The following AOAH variants were observed in gnomAD, a reference collection of about 807,000 sequenced individuals.
The protein encoded by AOAH is acyloxyacyl hydrolase.
Under a neutral mutation model 92.2 loss-of-function variants are expected in AOAH, and 64 were observed. The observed-to-expected ratio is 0.69, with a 90% CI of 0.57 to 0.86. The LOEUF is 0.86. Ranked by LOEUF, AOAH falls within the 40% of genes least tolerant of loss-of-function variation. AOAH has a pLI of 0.00. For missense variants in AOAH, 656 were observed against 694.6 expected (o/e 0.94, Z 0.62); for synonymous variants, 263 against 254.5 (o/e 1.03, Z -0.32).
At chr7:36,710,238 T>A (rs1393524797) in intron 1 of AOAH, among the ~76,000 whole-genome samples, 1 of 152,188 alleles carries the variant, frequency 6.6e-6, no homozygotes, top group African/African-American at 2.4e-5. Context: ...ATCAGTTTAT[T>A]TTGGGGTAAT....
At chr7:36,711,803 T>A (rs1327355797) in intron 1 of AOAH, among the ~76,000 whole-genome samples, 3 of 152,108 alleles carry the variant, frequency 2.0e-5, no homozygotes, top group African/African-American at 7.2e-5. Context: ...ACTGCATGGC[T>A]AAGCCAAGAC....
intron 12 of AOAH, among the ~76,000 whole-genome samples, chr7:36,588,462 T>G (rs1460434462): frequency 6.6e-6 from 1 of 152,262 alleles, no homozygotes; most frequent in African/African-American, 2.4e-5. Context: ...TCTGGTTAAT[T>G]ATTTGTTTTG....
chr7:36,604,025 C>T (rs1161795307), intron 11 of AOAH, among the ~76,000 whole-genome samples: 2 of 152,164 alleles, frequency 1.3e-5, no homozygotes, highest in Non-Finnish European at 2.9e-5. Flanking sequence ...AAGGTGCTGG[C>T]AAATTTGGGT....
intron 11 of AOAH, among the ~76,000 whole-genome samples, chr7:36,602,596 G>GAA (rs555080341): frequency 0.014 from 2,061 of 143,434 alleles, 23 homozygotes; most frequent in African/African-American, 0.03. Flanking sequence ...TCCACAAACA[G>GAA]AAAAAAAAAA....
chr7:36,515,700 C>CAA (rs1341831028), intron 20 of AOAH, among the ~76,000 whole-genome samples: 1 of 108,224 alleles, frequency 9.2e-6, no homozygotes, highest in Non-Finnish European at 1.9e-5. Flanking sequence ...CACATAATCA[C>CAA]ACACCCCCCC....
chr7:36,544,136 AG>A, intron 15 of AOAH, among the ~76,000 whole-genome samples: 1 of 151,610 alleles, frequency 6.6e-6, no homozygotes, highest in East Asian at 1.9e-4. Context: ...TGGTAGAGAC[AG>A]GGTTTTACCA....
chr7:36,682,530 C>CA (rs1005818336), intron 2 of AOAH, among the ~76,000 whole-genome samples: 1 of 150,242 alleles, frequency 6.7e-6, no homozygotes, highest in Non-Finnish European at 1.5e-5. Flanking sequence ...AAAGTCATGC[C>CA]AAAAAAGGAT....
rs912010725 is a variant in AOAH, at chr7:36,614,148, G to A, written c.846+2232C>T. On this transcript the variant is annotated intron_variant, in intron 11 of 20. Coordinates refer to ENST00000617537, the MANE Select transcript of AOAH (RefSeq NM_001637.4). This position sits in a 1 kb window ranked among gnomAD's most constrained non-coding sequence, Gnocchi z 4.2. ...GGCTGTATGACAGGGCTTCCCCACC[G>A]TGCCCATGTCCCTTTCTCGAGGGCA... 2.0e-5 allele frequency among the ~76,000 whole-genome samples: 3 copies of A among 152,168 alleles called. No individual in the cohort carries two copies. Among genetic ancestry groups the A allele is most frequent in the East Asian group, 3.9e-4 (2 of 5,186 alleles).
chr7:36,665,983 A>T (rs1482855221), intron 3 of AOAH, among the ~76,000 whole-genome samples: 2 of 152,060 alleles, frequency 1.3e-5, no homozygotes, highest in Non-Finnish European at 2.9e-5. Context: ...ATCTATATTC[A>T]TGAGAGATAT....
chr7:36,601,491 C>A (rs1790595101), intron 11 of AOAH, among the ~76,000 whole-genome samples: 1 of 152,190 alleles, frequency 6.6e-6, no homozygotes, highest in Non-Finnish European at 1.5e-5. Flanking sequence ...TCTAGAGGAG[C>A]ACAGACAATA....
At position 36,677,407 on chromosome 7, in the gene AOAH, T is replaced by C. The variant is rs1796320268; in HGVS notation, c.224-3398A>G. ...ATGAGATACAACTTCATGTCCACTA[T>C]AATGTGCTATAATAAAAGAGAGAAT... On this transcript the variant is annotated intron_variant, in intron 2 of 20. Coordinates refer to ENST00000617537, the MANE Select transcript of AOAH (RefSeq NM_001637.4). Among the ~76,000 whole-genome samples, 3 of 152,210 alleles carry C rather than the reference T, an allele frequency of 2.0e-5. No individual in the cohort carries two copies. The South Asian group carries it at 6.2e-4, about 32-fold the overall frequency.
intron 3 of AOAH, among the ~76,000 whole-genome samples, chr7:36,665,996 G>A (rs978737781): frequency 3.3e-5 from 5 of 152,022 alleles, no homozygotes; most frequent in Admixed American, 6.5e-5. Context: ...AGAGATATTG[G>A]TCTGTAGTTT....
At position 36,642,788 on chromosome 7, in the gene AOAH, C is replaced by A. The variant is rs1010332466; in HGVS notation, c.391-4878G>T. 2.0e-5 allele frequency among the ~76,000 whole-genome samples: 3 copies of A among 152,156 alleles called. No homozygotes were observed. The East Asian group carries it at 5.8e-4, about 29-fold the overall frequency. ...ACCATTTGGATGTGAGCAAAACATC[C>A]GTCTTCAATAGAAACTCTTTAAATA... On this transcript the variant is annotated intron_variant, in intron 4 of 20. Coordinates refer to ENST00000617537, the MANE Select transcript of AOAH (RefSeq NM_001637.4).
intron 3 of AOAH, among the ~76,000 whole-genome samples, chr7:36,672,760 C>A (rs149747300): frequency 0.013 from 1,944 of 152,076 alleles, 35 homozygotes; most frequent in African/African-American, 0.044. Flanking sequence ...ATGTTCAGCA[C>A]ATGTATCCCA....
chr7:36,694,160 T>G (rs1379063289), intron 1 of AOAH, among the ~76,000 whole-genome samples: 1 of 152,146 alleles, frequency 6.6e-6, no homozygotes, highest in South Asian at 2.1e-4. Context: ...GCAAAAAAAT[T>G]TATCGCAGTT....
intron 9 of AOAH, among the ~76,000 whole-genome samples, chr7:36,620,370 G>C (rs896994716): frequency 6.6e-6 from 1 of 151,600 alleles, no homozygotes; most frequent in African/African-American, 2.4e-5. Flanking sequence ...TAAATACTGA[G>C]TAATTTCTGC....
At chr7:36,669,461 C>T (rs1468932439) in intron 3 of AOAH, among the ~76,000 whole-genome samples, 2 of 147,124 alleles carry the variant, frequency 1.4e-5, no homozygotes, top group Non-Finnish European at 3.0e-5. Context: ...TGGCTCATTG[C>T]AACCTCCACC....
rs116958947 is a variant in AOAH, at chr7:36,583,844, C to T, written c.939-7188G>A. Among the ~76,000 whole-genome samples, 1,511 of 152,214 alleles carry T rather than the reference C, an allele frequency of 9.9e-3. 43 individuals carry two copies. The highest frequency in any genetic ancestry group is 0.014 in the Middle Eastern group (4 of 294). On this transcript the variant is annotated intron_variant, in intron 12 of 20. Transcript: ENST00000617537. ...CTCTCTCCATCCTGGCCTTTCCCAG[C>T]CCCAGATTTGATTCTAGGCCACTGT... is the stretch of plus-strand genomic sequence containing the variant.
chr7:36,701,241 T>C (rs1018934913), intron 1 of AOAH, among the ~76,000 whole-genome samples: 2 of 151,982 alleles, frequency 1.3e-5, no homozygotes, highest in Non-Finnish European at 1.5e-5. Context: ...TGGAGAATGG[T>C]CCATGAATAC....
Sources: allele counts gnomAD v4.1 joint callset (sites outside exome capture counted in the v4.1 genomes callset), GRCh38; gene constraint gnomAD v4.1.1; non-coding constraint Gnocchi (gnomAD v3.1); transcripts MANE v1.5; gene names NCBI Gene and HGNC (gene_info 2026-07-23, HGNC 2026-07-21).